ENOX1: variants seen among roughly 807,000 people sequenced by gnomAD.
ENOX1 encodes ecto-NOX disulfide-thiol exchanger 1, also known as candidate growth-related and time keeping constitutive hydroquinone (NADH) oxidase.
In ENOX1, 42 loss-of-function variants were observed where a neutral mutation model predicts 82.5. That is an observed-to-expected ratio of 0.51 (90% CI 0.40 to 0.66). The LOEUF is 0.66. Among genes scored for constraint, ENOX1 ranks in the 30% least tolerant of loss-of-function variants. The pLI, the probability that ENOX1 is intolerant of heterozygous loss-of-function variation, is 0.00. For missense variants in ENOX1, 608 were observed against 811.6 expected (o/e 0.75, Z 3.05); for synonymous variants, 271 against 282.2 (o/e 0.96, Z 0.40).
At chr13:43,536,247 T>A (rs2078455520) in intron 2 of ENOX1, among the ~76,000 whole-genome samples, 4 of 152,250 alleles carry the variant, frequency 2.6e-5, no homozygotes, top group Admixed American at 2.6e-4. Context: ...TTTGGTGGTA[T>A]GTCCCAAACA....
chr13:43,610,497 T>C (rs2082153996), intron 2 of ENOX1, among the ~76,000 whole-genome samples: 1 of 152,194 alleles, frequency 6.6e-6, no homozygotes, highest in South Asian at 2.1e-4. Flanking sequence ...GAAAACTTAT[T>C]TTCCATTAAG....
chr13:43,749,265 C>T (rs1245674367), intron 1 of ENOX1, among the ~76,000 whole-genome samples: 1 of 152,112 alleles, frequency 6.6e-6, no homozygotes, highest in East Asian at 1.9e-4. Context: ...AAGAACAAGG[C>T]AGGGAATAAA....
intron 7 of ENOX1, among the ~76,000 whole-genome samples, chr13:43,358,429 C>T (rs1466146954): frequency 7.9e-6 from 1 of 125,826 alleles, no homozygotes; most frequent in Non-Finnish European, 1.6e-5. Flanking sequence ...CATGAGGGTT[C>T]TGCAGGATAT....
At chr13:43,638,398 T>G (rs1447516926) in intron 2 of ENOX1, among the ~76,000 whole-genome samples, 1 of 89,186 alleles carries the variant, frequency 1.1e-5, no homozygotes, top group East Asian at 8.3e-4. Flanking sequence ...ATCATAAGTG[T>G]CTAGGGTTTT....
chr13:43,329,878 T>C (rs1482125296), intron 9 of ENOX1, among the ~76,000 whole-genome samples: 3 of 152,172 alleles, frequency 2.0e-5, no homozygotes, highest in Non-Finnish European at 4.4e-5. Flanking sequence ...GTCTTGCAAA[T>C]GAAAGTTCCT....
intron 5 of ENOX1, among the ~76,000 whole-genome samples, chr13:43,378,091 C>G (rs186083852): frequency 6.6e-6 from 1 of 152,188 alleles, no homozygotes; most frequent in Non-Finnish European, 1.5e-5. Context: ...GGTCTCCCAC[C>G]TGAAACAACT....
chr13:43,563,405 G>A (rs2079774082), intron 2 of ENOX1, among the ~76,000 whole-genome samples: 1 of 151,994 alleles, frequency 6.6e-6, no homozygotes, highest in Admixed American at 6.6e-5. Flanking sequence ...GAAAAGGGAA[G>A]TTTATAGCTA....
At chr13:43,350,696 C>G (rs1449730715) in intron 8 of ENOX1, among the ~76,000 whole-genome samples, 1 of 152,176 alleles carries the variant, frequency 6.6e-6, no homozygotes, top group Non-Finnish European at 1.5e-5. Flanking sequence ...CCACCCATCT[C>G]GGCCTCCCAA....
At chr13:43,637,121 G>C (rs1334213963) in intron 2 of ENOX1, among the ~76,000 whole-genome samples, 3 of 152,156 alleles carry the variant, frequency 2.0e-5, no homozygotes, top group Non-Finnish European at 4.4e-5. Context: ...TAATTTTATG[G>C]AGAAAACTGT....
At chr13:43,293,949 GA>G (rs889679520) in intron 12 of ENOX1, among the ~76,000 whole-genome samples, 8 of 151,602 alleles carry the variant, frequency 5.3e-5, no homozygotes, top group African/African-American at 1.9e-4. Context: ...TGAGTATAAA[GA>G]AAAAAATGCT....
At chr13:43,744,445 C>T (rs1949914126) in intron 1 of ENOX1, among the ~76,000 whole-genome samples, 1 of 152,098 alleles carries the variant, frequency 6.6e-6, no homozygotes, top group Non-Finnish European at 1.5e-5. Context: ...CAAGGATCTC[C>T]AAGACACACA....
intron 2 of ENOX1, among the ~76,000 whole-genome samples, chr13:43,511,342 A>T (rs2077360884): frequency 6.6e-6 from 1 of 152,272 alleles, no homozygotes; most frequent in Non-Finnish European, 1.5e-5. Flanking sequence ...AGTGTTGGTA[A>T]TATTTTTAGA....
intron 2 of ENOX1, among the ~76,000 whole-genome samples, chr13:43,524,526 G>A (rs991979524): frequency 6.6e-6 from 1 of 151,970 alleles, no homozygotes; most frequent in African/African-American, 2.4e-5. Flanking sequence ...ATGCCTCCCT[G>A]GCTTGCTCTC....
chr13:43,392,744 A>G, intron 5 of ENOX1, among the ~76,000 whole-genome samples: 1 of 152,186 alleles, frequency 6.6e-6, no homozygotes, highest in Admixed American at 6.5e-5. Flanking sequence ...TGAGAATAAA[A>G]TTTTAGTTTC....
At chr13:43,511,877 C>T (rs1382285417) in intron 2 of ENOX1, among the ~76,000 whole-genome samples, 2 of 152,016 alleles carry the variant, frequency 1.3e-5, no homozygotes, top group East Asian at 3.9e-4. Context: ...TTTCCACAGG[C>T]GATCATGCAA....
Position 43,638,917 on chromosome 13 carries a change from T to A in ENOX1, c.-219+28562A>T, listed in dbSNP as rs574638311. 2.0e-5 allele frequency among the ~76,000 whole-genome samples: 3 copies of A among 152,244 alleles called. No individual in the cohort carries two copies. In the South Asian group the frequency reaches 6.2e-4, roughly 31 times the overall value. On this transcript the variant is annotated intron_variant, in intron 2 of 16. Coordinates refer to ENST00000690772, the MANE Select transcript of ENOX1 (RefSeq NM_001347969.2). Reference sequence around the variant, plus strand: ...TTCCTACAAATCTAAATATTTTGTTTTTGTTTTCCTTTCTTCTAGGAATAT... The same window carrying A: ...TTCCTACAAATCTAAATATTTTGTTATTGTTTTCCTTTCTTCTAGGAATAT...
At chr13:43,757,419 T>C (rs2153834066) in intron 1 of ENOX1, among the ~76,000 whole-genome samples, 1 of 152,310 alleles carries the variant, frequency 6.6e-6, no homozygotes, top group East Asian at 1.9e-4. Flanking sequence ...ACCACCAAGC[T>C]GGCCAGCTGG....
chr13:43,681,864 A>T (rs904312243), intron 1 of ENOX1, among the ~76,000 whole-genome samples: 5 of 152,096 alleles, frequency 3.3e-5, no homozygotes, highest in African/African-American at 1.2e-4. Context: ...CCAAAGGAGG[A>T]ACAAGTTTCT....
At chr13:43,513,227 C>T (rs1180988961) in intron 2 of ENOX1, among the ~76,000 whole-genome samples, 3 of 151,924 alleles carry the variant, frequency 2.0e-5, no homozygotes, top group Admixed American at 6.6e-5. Context: ...TAGAATGGCT[C>T]GAACCCATGG....
Sources: allele counts gnomAD v4.1 joint callset (sites outside exome capture counted in the v4.1 genomes callset), GRCh38; gene constraint gnomAD v4.1.1; transcripts MANE v1.5; gene names NCBI Gene and HGNC (gene_info 2026-07-23, HGNC 2026-07-21).